Variants in MGAT4C observed in about 807,000 individuals in gnomAD.
The protein encoded by MGAT4C is alpha-1,3-mannosyl-glycoprotein 4-beta-N-acetylglucosaminyltransferase C.
A neutral mutation model predicts 40.1 loss-of-function variants in MGAT4C; 19 were observed. The observed-to-expected ratio is 0.47, with a 90% CI of 0.33 to 0.70. MGAT4C has a LOEUF of 0.70. MGAT4C is among the 30% of genes least tolerant of loss of function. The pLI, the probability that MGAT4C is intolerant of heterozygous loss-of-function variation, is 0.02. For missense variants in MGAT4C, 491 were observed against 563.2 expected, an observed-to-expected ratio of 0.87 and a Z score of 1.30; for synonymous variants, 181 against 187.1, an observed-to-expected ratio of 0.97 and a Z score of 0.27.
chr12:86,167,569 G>T (rs966525846), intron 1 of MGAT4C, among the ~76,000 whole-genome samples: 3 of 152,178 alleles, frequency 2.0e-5, no homozygotes, highest in Admixed American at 2.0e-4. Context: ...TTGATTAAGA[G>T]GCTGCATCTG....
chr12:86,134,327 T>A (rs1881648332), intron 1 of MGAT4C, among the ~76,000 whole-genome samples: 1 of 152,182 alleles, frequency 6.6e-6, no homozygotes, highest in Admixed American at 6.5e-5. Flanking sequence ...TCTTACTATC[T>A]ATATTCACTT....
chr12:86,203,997 T>TATATA (rs1437540260), intron 1 of MGAT4C, among the ~76,000 whole-genome samples: 2 of 148,640 alleles, frequency 1.3e-5, no homozygotes, highest in Non-Finnish European at 3.0e-5. Flanking sequence ...TATATATGCC[T>TATATA]TATAGCTAAC....
At chr12:86,838,142 A>G in intron 1 of MGAT4C, among the ~76,000 whole-genome samples, 1 of 152,344 alleles carries the variant, frequency 6.6e-6, no homozygotes, top group South Asian at 2.1e-4. Context: ...TCTACATAAT[A>G]TTATCAAAAA....
intron 3 of MGAT4C, among the ~76,000 whole-genome samples, chr12:86,397,926 GC>G: frequency 6.6e-6 from 1 of 152,250 alleles, no homozygotes; most frequent in African/African-American, 2.4e-5. Context: ...TCACACCACT[GC>G]ACTGCAGCCT....
intron 1 of MGAT4C, among the ~76,000 whole-genome samples, chr12:86,732,990 G>A (rs957710025): frequency 1.3e-5 from 2 of 152,038 alleles, no homozygotes; most frequent in Admixed American, 6.6e-5. Flanking sequence ...GCAGAGATGT[G>A]AACTCTTTTT....
At chr12:86,257,430 A>G (rs1952553771), upstream of MGAT4C, among the ~76,000 whole-genome samples, 2 of 152,240 alleles carry the variant, frequency 1.3e-5, no homozygotes, top group South Asian at 4.1e-4. Context: ...GCCCAGCCAT[A>G]TCCCAGGGCA....
intron 2 of MGAT4C, among the ~76,000 whole-genome samples, chr12:86,009,138 C>A (rs192695863): frequency 2.9e-3 from 444 of 152,202 alleles, no homozygotes; most frequent in Non-Finnish European, 4.3e-3. Context: ...TAAGGCAATA[C>A]CCTTCTGAGT....
At chr12:86,163,304 C>T (rs1043857288) in intron 1 of MGAT4C, among the ~76,000 whole-genome samples, 1 of 151,218 alleles carries the variant, frequency 6.6e-6, no homozygotes, top group African/African-American at 2.4e-5. Flanking sequence ...TTCAAGCAAT[C>T]CTTCTGCCTC....
At chr12:86,163,514 A>C (rs1043737360) in intron 1 of MGAT4C, among the ~76,000 whole-genome samples, 1 of 152,082 alleles carries the variant, frequency 6.6e-6, no homozygotes, top group East Asian at 1.9e-4. Flanking sequence ...TTCTTAGAAA[A>C]CCAGACCTTC....
chr12:86,603,422 A>C (rs1364012851), intron 2 of MGAT4C, among the ~76,000 whole-genome samples: 10 of 119,370 alleles, frequency 8.4e-5, no homozygotes, highest in African/African-American at 2.0e-4. Context: ...TATATATAGT[A>C]TATAGTATAT....
chr12:85,988,727 A>G (rs932286027), intron 3 of MGAT4C, among the ~76,000 whole-genome samples: 1 of 151,980 alleles, frequency 6.6e-6, no homozygotes, highest in African/African-American at 2.4e-5. Context: ...ATTTTTCATA[A>G]TTAGTCAGAA....
chr12:86,705,697 A>G (rs892300604), intron 2 of MGAT4C, among the ~76,000 whole-genome samples: 1 of 152,196 alleles, frequency 6.6e-6, no homozygotes, highest in South Asian at 2.1e-4. Flanking sequence ...AAGAAAATTT[A>G]GCATTGATAT....
intron 2 of MGAT4C, among the ~76,000 whole-genome samples, chr12:86,707,668 T>C (rs1191181742): frequency 6.6e-6 from 1 of 151,858 alleles, no homozygotes; most frequent in East Asian, 1.9e-4. Context: ...GTAGCTGGGG[T>C]TACAGGCACA....
intron 1 of MGAT4C, among the ~76,000 whole-genome samples, chr12:86,803,241 T>TTACACCTTA (rs1952268758): frequency 6.6e-6 from 1 of 150,846 alleles, no homozygotes; most frequent in African/African-American, 2.4e-5. Flanking sequence ...GATCCCTCCC[T>TTACACCTTA]TACACCTTAT....
intron 3 of MGAT4C, among the ~76,000 whole-genome samples, chr12:86,335,000 T>G (rs2136177104): frequency 6.6e-6 from 1 of 152,154 alleles, no homozygotes; most frequent in South Asian, 2.1e-4. Context: ...ATTTAAAATT[T>G]TAACTGCTAT....
chr12:86,709,878 C>T (rs1950528242), intron 2 of MGAT4C, among the ~76,000 whole-genome samples: 1 of 152,066 alleles, frequency 6.6e-6, no homozygotes, highest in South Asian at 2.1e-4. Flanking sequence ...TGTGCTAATA[C>T]TCTTGGATGG....
At chr12:86,334,548 C>G (rs1394249205) in intron 3 of MGAT4C, among the ~76,000 whole-genome samples, 6 of 151,876 alleles carry the variant, frequency 4.0e-5, no homozygotes, top group Non-Finnish European at 7.4e-5. Context: ...TTCACAGTAC[C>G]CTAAATGTTT....
At chr12:86,342,744 T>G (rs1261239283) in intron 3 of MGAT4C, among the ~76,000 whole-genome samples, 1 of 152,082 alleles carries the variant, frequency 6.6e-6, no homozygotes, top group African/African-American at 2.4e-5. Flanking sequence ...CAGCCATGGT[T>G]TTTTTTTATA....
intron 1 of MGAT4C, among the ~76,000 whole-genome samples, chr12:86,171,381 T>C (rs1425992603): frequency 6.6e-6 from 1 of 151,868 alleles, no homozygotes; most frequent in Non-Finnish European, 1.5e-5. Flanking sequence ...AAAAAATAAA[T>C]AAATAAATAG....
Sources: allele counts gnomAD v4.1 joint callset (sites outside exome capture counted in the v4.1 genomes callset), GRCh38; gene constraint gnomAD v4.1.1; transcripts MANE v1.5; gene names NCBI Gene and HGNC (gene_info 2026-07-23, HGNC 2026-07-21).